Variants in COL17A1 observed in about 807,000 individuals in gnomAD.
The protein encoded by COL17A1 is collagen type XVII alpha 1 chain.
Under a neutral mutation model 218.4 loss-of-function variants are expected in COL17A1, and 181 were observed. The observed-to-expected ratio is 0.83, with a 90% CI of 0.73 to 0.94. COL17A1 has a LOEUF of 0.94. COL17A1 is among the 40% of genes least tolerant of loss of function. The pLI, the probability that COL17A1 is intolerant of heterozygous loss-of-function variation, is 0.00. For synonymous variants in COL17A1, 721 were observed against 731.0 expected, an observed-to-expected ratio of 0.99 and a Z score of 0.22; for missense variants, 1,924 against 1,945.9, an observed-to-expected ratio of 0.99 and a Z score of 0.21.
intron 40 of COL17A1, 52 bp from the exon 41 acceptor site, chr10:104,040,051 G>A: frequency 6.2e-7 from 1 of 1,602,494 alleles, no homozygotes; most frequent in Non-Finnish European, 8.5e-7. Context: ...AGGTGTTGTG[G>A]TTTCAATGGG....
chr10:104,069,346 C>T (rs964590023), intron 9 of COL17A1, among the ~76,000 whole-genome samples: 10 of 152,068 alleles, frequency 6.6e-5, no homozygotes, highest in Non-Finnish European at 4.4e-5. Flanking sequence ...AATATTAATT[C>T]GGACAATGGG....
intron 52 of COL17A1, 152 bp downstream of exon 52, chr10:104,033,793 C>T: frequency 8.2e-7 from 1 of 1,226,904 alleles, no homozygotes; most frequent in Non-Finnish European, 1.1e-6. Flanking sequence ...GCTGAGTAGG[C>T]TGAGAGCTAG....
intron 9 of COL17A1, among the ~76,000 whole-genome samples, chr10:104,069,617 A>G (rs76394945): frequency 0.017 from 2,550 of 152,288 alleles, 71 homozygotes; most frequent in African/African-American, 0.058. Flanking sequence ...CCATATTTAG[A>G]TAGGACTACT....
Position 104,034,616 on chromosome 10 carries a change from C to G in COL17A1, c.3766+5G>C. ...CTGGTGGGGCATCACCGTCGGGGCACCTACTTGTGAGGTAGCTGATCAGCT... is the reference window on the plus strand; with the variant it reads ...CTGGTGGGGCATCACCGTCGGGGCAGCTACTTGTGAGGTAGCTGATCAGCT... On this transcript the variant is annotated splice_donor_5th_base_variant and intron_variant, in intron 51 of 55. Coordinates refer to ENST00000648076, the MANE Select transcript of COL17A1 (RefSeq NM_000494.4). The G allele has an allele frequency of 6.2e-7, 1 of 1,609,300 alleles. No individual in the cohort carries two copies. Among genetic ancestry groups the G allele is most frequent in the Non-Finnish European group, 8.5e-7 (1 of 1,177,916 alleles).
At position 104,045,771 on chromosome 10, in the gene COL17A1, T is replaced by C. The variant is rs750349402; in HGVS notation, c.2385A>G (p.Arg795=). The change falls in exon 33 of 56, where the codon CGA becomes CGG. Residue 795 remains arginine, a synonymous_variant. Coordinates refer to ENST00000648076, the MANE Select transcript of COL17A1 (RefSeq NM_000494.4). ...GPQGLPGTPG[R]PGIKGEPGAP... ...AAATTCACTTACCTTTTATTCCTGG[T>C]CGGCCAGGGGTACCGGGAAGTCCTG... is the stretch of plus-strand genomic sequence containing the variant. 7 of 1,612,792 alleles carry C rather than the reference T, an allele frequency of 4.3e-6. No homozygotes were observed. In the South Asian group the frequency reaches 7.7e-5, roughly 18 times the overall value.
At chr10:104,036,374 G>A (rs894712245) in intron 48 of COL17A1, 118 bp downstream of exon 48, 8 of 1,390,184 alleles carry the variant, frequency 5.8e-6, no homozygotes, top group Middle Eastern at 4.5e-4. Flanking sequence ...CTCATTGCTG[G>A]GGTTGGTGCA....
In COL17A1 at chr10:104,032,233, GCTCA is replaced by G. The variant is rs1844693909; in HGVS notation, c.4492_*1del. ...TCCAGGAGCTGTCCTGCCATGGCTA[GCTCA>G]CGGCTTGACAGCAATACTTCTTCTC... On this transcript the variant is annotated stop_lost and 3_prime_UTR_variant, in exon 56 of 56. Coordinates refer to ENST00000648076, the MANE Select transcript of COL17A1 (RefSeq NM_000494.4). The G allele has an allele frequency of 6.2e-7, 1 of 1,613,194 alleles. No individual in the cohort carries two copies. The highest frequency in any genetic ancestry group is 1.7e-5 in the Admixed American group (1 of 60,026).
intron 8 of COL17A1, among the ~76,000 whole-genome samples, chr10:104,071,175 A>C (rs1235372258): frequency 6.6e-6 from 1 of 152,074 alleles, no homozygotes; most frequent in Non-Finnish European, 1.5e-5. Flanking sequence ...ATGCATGGGG[A>C]GTGCATGAGA....
rs805897 is a variant in COL17A1 at position 104,080,361 on chromosome 10, C to G, written c.52+261G>C. Reference sequence around the variant, plus strand: ...CTATGGTGAATTCATTTAGCAGAATCCTATCCCATCATTAAAAATGAGGGT... The same window carrying G: ...CTATGGTGAATTCATTTAGCAGAATGCTATCCCATCATTAAAAATGAGGGT... On this transcript the variant is annotated intron_variant, in intron 2 of 55. Coordinates refer to ENST00000648076, the MANE Select transcript of COL17A1 (RefSeq NM_000494.4). 0.92 allele frequency among the ~76,000 whole-genome samples: 139,731 copies of G among 152,252 alleles called. 64,838 individuals carry two copies. Among genetic ancestry groups the G allele is most frequent in the Non-Finnish European group, 1 (67,760 of 68,038 alleles).
Position 104,039,983 on chromosome 10 carries a change from T to C in COL17A1, c.2778A>G (p.Arg926=), listed in dbSNP as rs534100946. 8.7e-6 allele frequency: 14 copies of C among 1,614,126 alleles called. No individual in the cohort carries two copies. The highest frequency in any genetic ancestry group is 3.3e-5 in the Admixed American group (2 of 60,020). The change falls in exon 41 of 56, where the codon AGA becomes AGG. Residue 926 remains arginine (R), a synonymous_variant. Coordinates refer to ENST00000648076, the MANE Select transcript of COL17A1 (RefSeq NM_000494.4). The part of the protein sequence containing the change: ...PKGDQGPPGP[R]GHQGEQGLPG... ...CCGGCTCTACTGTACCTTGGTGTCC[T>C]CTGGGGCCTGGGGGACCTGAGGGAA... is the stretch of plus-strand genomic sequence containing the variant.
At chr10:104,057,420 C>T (rs1232382201) in intron 16 of COL17A1, among the ~76,000 whole-genome samples, 2 of 16,336 alleles carry the variant, frequency 1.2e-4, no homozygotes, top group South Asian at 6.7e-3. Flanking sequence ...CCTTTGTTTC[C>T]GTTTTTATAA....
chr10:104,073,017 C>A (rs2086680965), intron 7 of COL17A1, among the ~76,000 whole-genome samples, 193 bp downstream of exon 7: 1 of 152,188 alleles, frequency 6.6e-6, no homozygotes, highest in African/African-American at 2.4e-5. Flanking sequence ...AGATTACTGT[C>A]AAAAGCTACC....
intron 31 of COL17A1, among the ~76,000 whole-genome samples, chr10:104,047,203 CT>C (rs1295214683): frequency 6.6e-6 from 1 of 152,080 alleles, no homozygotes; most frequent in Admixed American, 6.5e-5. Context: ...ACACAGCTTT[CT>C]TGGCTGGTTT....
chr10:104,071,445 C>G (rs1194066519), intron 8 of COL17A1, among the ~76,000 whole-genome samples: 2 of 152,162 alleles, frequency 1.3e-5, no homozygotes, highest in East Asian at 3.9e-4. Flanking sequence ...GAGCTCATTT[C>G]AAAACGTTGT....
At chr10:104,075,811 T>C (rs2086705222) in intron 5 of COL17A1, among the ~76,000 whole-genome samples, 1 of 152,262 alleles carries the variant, frequency 6.6e-6, no homozygotes, top group African/African-American at 2.4e-5. Context: ...TCCCACAGCT[T>C]GGACAGTCCC....
Position 104,047,587 on chromosome 10 carries a change from C to A in COL17A1, c.2335+152G>T, listed in dbSNP as rs533529875. 8.2e-4 allele frequency: 594 copies of A among 726,744 alleles called. 7 individuals are homozygous for A. In the South Asian group the frequency reaches 8.8e-3, roughly 11 times the overall value. 45.0% of individuals were successfully genotyped at this position (726,744 alleles called of 1,614,324 possible). A position where few individuals can be genotyped will look rare whatever the true frequency, so the allele number is the denominator to read the frequency against. On this transcript the variant is annotated intron_variant, in intron 31 of 55. Coordinates refer to ENST00000648076, the MANE Select transcript of COL17A1 (RefSeq NM_000494.4). ...GCACACATGGGTGCATTTGTAAACA[C>A]CTGCATGCACACACACAACCATGCA...
At chr10:104,052,067 G>A in intron 24 of COL17A1, 88 bp downstream of exon 24, 1 of 1,575,318 alleles carries the variant, frequency 6.3e-7, no homozygotes, top group Non-Finnish European at 8.7e-7. Flanking sequence ...AGGGCTGTCT[G>A]GGGTCCCAGG....
chr10:104,072,367 C>T lies in COL17A1; in HGVS notation c.416-288G>A, dbSNP rs186033200. Among the ~76,000 whole-genome samples, 31 of 152,334 alleles carry T rather than the reference C, an allele frequency of 2.0e-4. No homozygotes were observed. The East Asian group carries it at 6.0e-3, about 29-fold the overall frequency. ...TCCAGTACAATCAGCAATGGTCAAT[C>T]CTTTCCCCATCATCCACCTCATGGC... On this transcript the variant is annotated intron_variant, in intron 7 of 55. Transcript: ENST00000648076.
In COL17A1 at chr10:104,058,137, C is replaced by G; in HGVS notation, c.1267+9G>C. 6.2e-7 allele frequency: 1 copy of G among 1,614,188 alleles called. No individual in the cohort carries two copies. ...TCCTGTCACTGCAGGGTTCGCGGTT[C>G]TCACCCACCTGCAGTGGTGGTCTTG... On this transcript the variant is annotated intron_variant, in intron 16 of 55. Coordinates refer to ENST00000648076, the MANE Select transcript of COL17A1 (RefSeq NM_000494.4).
Sources: gnomAD v4.1 joint callset for allele counts (sites outside exome capture counted in the v4.1 genomes callset) on GRCh38, gnomAD v4.1.1 for gene constraint, MANE v1.5 for transcripts, NCBI Gene and HGNC (gene_info 2026-07-23, HGNC 2026-07-21) for gene names.